SLC44A5: variants seen among roughly 807,000 people sequenced by gnomAD.
The protein encoded by SLC44A5 is solute carrier family 44 member 5, also known as choline transporter-like protein 5.
SLC44A5 carries 57 observed loss-of-function variants against 101.8 expected under a neutral mutation model. The observed-to-expected ratio is 0.56, with a 90% CI of 0.45 to 0.70. The LOEUF (loss-of-function observed/expected upper bound fraction) is 0.70, where lower values mean the gene tolerates loss of function less well. Ranked by LOEUF, SLC44A5 falls within the 30% of genes least tolerant of loss-of-function variation. The pLI is 0.00. For synonymous variants in SLC44A5, 281 were observed against 290.9 expected (o/e 0.97, Z 0.35); for missense variants, 737 against 853.1 (o/e 0.86, Z 1.70).
chr1:75,557,343 G>A (rs922648505), intron 1 of SLC44A5, among the ~76,000 whole-genome samples: 1 of 152,106 alleles, frequency 6.6e-6, no homozygotes, highest in Non-Finnish European at 1.5e-5. Flanking sequence ...TTTTAGAGTA[G>A]CATTATTTTC....
chr1:75,329,803 T>C (rs567494884), intron 4 of SLC44A5, among the ~76,000 whole-genome samples: 2 of 152,268 alleles, frequency 1.3e-5, no homozygotes, highest in East Asian at 3.9e-4. Context: ...CAAGCAAATC[T>C]ACTTTGTATG....
At chr1:75,246,868 C>T (rs1649154310) in intron 7 of SLC44A5, among the ~76,000 whole-genome samples, 1 of 151,946 alleles carries the variant, frequency 6.6e-6, no homozygotes, top group Non-Finnish European at 1.5e-5. Context: ...ATTAGTACAA[C>T]AAATGGCCAG....
intron 2 of SLC44A5, among the ~76,000 whole-genome samples, chr1:75,495,411 C>G (rs139597899): frequency 6.6e-6 from 1 of 151,758 alleles, no homozygotes; most frequent in African/African-American, 2.4e-5. Flanking sequence ...GCCGAGATTG[C>G]GCCACTGCAC....
rs1311768441 is a variant in SLC44A5, at chr1:75,576,456, G to GGCGCCCGCCACC, written c.-70+34572_-70+34583dup. 2.0e-5 allele frequency among the ~76,000 whole-genome samples: 3 copies of GGCGCCCGCCACC among 151,364 alleles called. No homozygotes were observed. In the East Asian group the frequency reaches 6.0e-4, roughly 30 times the overall value. On this transcript the variant is annotated intron_variant, in intron 1 of 23. Transcript: ENST00000370859. Reference sequence around the variant, plus strand: ...CAGCCTCCGAGTAGCTGGGACTACAGGCGCCCGCCACCACGCCCGGCTAAT... The same window carrying GGCGCCCGCCACC: ...CAGCCTCCGAGTAGCTGGGACTACAGGCGCCCGCCACCGCGCCCGCCACCACGCCCGGCTAAT...
the SLC44A5 span, among the ~76,000 whole-genome samples, chr1:75,657,582 T>C: frequency 6.7e-6 from 1 of 149,166 alleles, no homozygotes; most frequent in Non-Finnish European, 1.5e-5. Flanking sequence ...TTTAAAAGGA[T>C]ATTCCATAAA....
intron 2 of SLC44A5, among the ~76,000 whole-genome samples, chr1:75,538,387 A>G (rs1222880876): frequency 1.3e-5 from 2 of 152,212 alleles, no homozygotes; most frequent in Non-Finnish European, 2.9e-5. Context: ...ATATAAATGT[A>G]GATATAGATG....
rs570085747 is a variant in SLC44A5 at position 75,334,830 on chromosome 1, A to G, written c.101+4752T>C. Among the ~76,000 whole-genome samples, 11 of 152,316 alleles carry G rather than the reference A, an allele frequency of 7.2e-5. No homozygotes were observed. In the South Asian group the frequency reaches 2.3e-3, roughly 32 times the overall value. On this transcript the variant is annotated intron_variant, in intron 4 of 23. Coordinates refer to ENST00000370859, the MANE Select transcript of SLC44A5 (RefSeq NM_001130058.2). ...GAAAGAACATTAAAGTCTAGTGGAAAATTCTCTCTTCTGAAAAATATCCTC... is the reference window on the plus strand; with the variant it reads ...GAAAGAACATTAAAGTCTAGTGGAAGATTCTCTCTTCTGAAAAATATCCTC...
the SLC44A5 span, among the ~76,000 whole-genome samples, chr1:75,643,766 C>G: frequency 6.6e-6 from 1 of 152,244 alleles, no homozygotes; most frequent in South Asian, 2.1e-4. Flanking sequence ...AGCCTTCCAT[C>G]ATGATTGTGA....
At chr1:75,538,418 G>A (rs967686401) in intron 2 of SLC44A5, among the ~76,000 whole-genome samples, 1 of 152,116 alleles carries the variant, frequency 6.6e-6, no homozygotes, top group Non-Finnish European at 1.5e-5. Flanking sequence ...AATAGATTTA[G>A]ATAGCTTCTT....
At chr1:75,564,059 G>A (rs910173247) in intron 1 of SLC44A5, among the ~76,000 whole-genome samples, 7 of 152,108 alleles carry the variant, frequency 4.6e-5, no homozygotes, top group Admixed American at 2.0e-4. Context: ...GACAATTCTT[G>A]CCATCAATGA....
chr1:75,642,062 A>G, the SLC44A5 span: 7 of 1,326,260 alleles, frequency 5.3e-6, no homozygotes, highest in South Asian at 1.2e-5. Context: ...TTCTGGTCCA[A>G]TGAAGAATCT....
chr1:75,647,075 A>G, the SLC44A5 span, among the ~76,000 whole-genome samples: 2 of 152,198 alleles, frequency 1.3e-5, no homozygotes, highest in Non-Finnish European at 2.9e-5. Context: ...CCCTCCCATC[A>G]CAGGCCTGGA....
chr1:75,241,863 C>T, intron 9 of SLC44A5, 138 bp downstream of exon 9: 1 of 607,348 alleles, frequency 1.6e-6, no homozygotes, highest in Non-Finnish European at 2.8e-6. Context: ...TTTGACTTTC[C>T]TGCTAATCAA....
chr1:75,310,533 T>C (rs956271389), intron 4 of SLC44A5, among the ~76,000 whole-genome samples: 1 of 152,246 alleles, frequency 6.6e-6, no homozygotes, highest in Non-Finnish European at 1.5e-5. Flanking sequence ...CTTTTCAGCT[T>C]CTCTACTAGC....
At chr1:75,581,044 T>C (rs1673669621) in intron 1 of SLC44A5, among the ~76,000 whole-genome samples, 1 of 152,118 alleles carries the variant, frequency 6.6e-6, no homozygotes, top group African/African-American at 2.4e-5. Flanking sequence ...GTCAGAAATA[T>C]CTTAAGGCAA....
chr1:75,242,555 C>T (rs919257761), intron 8 of SLC44A5, among the ~76,000 whole-genome samples: 3 of 152,014 alleles, frequency 2.0e-5, no homozygotes, highest in African/African-American at 7.2e-5. Context: ...GGCTTCATCA[C>T]CACATTAACG....
intron 2 of SLC44A5, among the ~76,000 whole-genome samples, chr1:75,462,214 A>G (rs550949781): frequency 2.0e-5 from 3 of 152,330 alleles, no homozygotes; most frequent in Admixed American, 2.0e-4. Context: ...GTTTGGGAGA[A>G]AGTAAGGGAA....
chr1:75,306,723 G>A (rs1654926014), intron 4 of SLC44A5, among the ~76,000 whole-genome samples: 1 of 121,876 alleles, frequency 8.2e-6, no homozygotes, highest in South Asian at 2.6e-4. Flanking sequence ...TTCATTTACT[G>A]GTTTCCTTTC....
intron 6 of SLC44A5, among the ~76,000 whole-genome samples, chr1:75,252,323 A>C (rs2100651328): frequency 6.6e-6 from 1 of 152,324 alleles, no homozygotes; most frequent in East Asian, 1.9e-4. Context: ...TGGGCTATTG[A>C]GCAATATTTT....
Sources: gnomAD v4.1 joint callset for allele counts (sites outside exome capture counted in the v4.1 genomes callset) on GRCh38, gnomAD v4.1.1 for gene constraint, MANE v1.5 for transcripts, NCBI Gene and HGNC (gene_info 2026-07-23, HGNC 2026-07-21) for gene names.